Variants in POMZP3 observed in about 807,000 individuals in gnomAD.
The protein encoded by POMZP3 is POM121 and ZP3 fusion, also known as POM121 and ZP3 fusion protein.
POMZP3 carries 10 observed loss-of-function variants against 19.8 expected under a neutral mutation model. The ratio of observed to expected loss-of-function variants is 0.51; its 90% CI spans 0.31 to 0.86. POMZP3 has a LOEUF of 0.86. Ranked by LOEUF, POMZP3 falls within the 40% of genes least tolerant of loss-of-function variation. The pLI, the probability that POMZP3 is intolerant of heterozygous loss-of-function variation, is 0.04. For synonymous variants in POMZP3, 57 were observed against 85.8 expected (o/e 0.66, Z 1.85); for missense variants, 152 against 228.1 (o/e 0.67, Z 2.15).
At position 76,626,758 on chromosome 7, in the gene POMZP3, G is replaced by C. The variant is rs1354808120; in HGVS notation, c.-202C>G. The C allele has an allele frequency of 1.4e-6, 2 of 1,381,972 alleles. No homozygotes were observed. Among genetic ancestry groups the C allele is most frequent in the Non-Finnish European group, 1.9e-6 (2 of 1,080,056 alleles). The allele number at this position is 1,381,972 out of a possible 1,614,324, so 85.6% of individuals were successfully genotyped here. On this transcript the variant is annotated 5_prime_UTR_variant, in exon 1 of 7. Transcript: ENST00000310842. The stretch of plus-strand genomic sequence containing the variant: ...GGAGAAGAGGAGTGGGGAGAGAGGG[G>C]TAAAAGTGGTGAACGCGATGGGTCG...
chr7:76,611,792 T>C lies in POMZP3; in HGVS notation c.367A>G (p.Lys123Glu), dbSNP rs201132635. ...GGGTCCTGCTCAGCTAGGGTGACCT[T>C]CAGGTGGCAGGTGATGTATATCTGC... ...RNMIYITCHL[K>E]VTLAEQDPDE... Residue 123 changes from lysine to glutamate, a missense_variant, in exon 5 of 7, where the codon AAG becomes GAG. This residue lies in a region of POMZP3 where 65 missense variants were observed against 86.2 expected (regional missense o/e 0.75). Coordinates refer to ENST00000310842, the MANE Select transcript of POMZP3 (RefSeq NM_012230.5). 3 of 1,580,956 alleles carry C rather than the reference T, an allele frequency of 1.9e-6. No homozygotes were observed. The highest frequency in any genetic ancestry group is 2.6e-6 in the Non-Finnish European group (3 of 1,158,480).
chr7:76,610,307 A>T (rs563200088), intron 6 of POMZP3, 92 bp from the exon 7 acceptor site: 19 of 1,187,250 alleles, frequency 1.6e-5, no homozygotes, highest in Admixed American at 1.8e-5. Flanking sequence ...GGCTAAACTA[A>T]TATGTTGTCT....
intron 4 of POMZP3, among the ~76,000 whole-genome samples, chr7:76,614,858 C>CAAAAAA (rs59620004): frequency 6.2e-5 from 2 of 32,036 alleles, no homozygotes; most frequent in East Asian, 8.9e-4. Flanking sequence ...AGACTCTGTC[C>CAAAAAA]AAAAAAAAAA....
intron 3 of POMZP3, among the ~76,000 whole-genome samples, chr7:76,622,074 A>C (rs1456368967): frequency 1.4e-5 from 2 of 145,720 alleles, no homozygotes; most frequent in Admixed American, 1.4e-4. Flanking sequence ...CACCAGCTTC[A>C]TGACAGTTTA....
At chr7:76,626,609 T>C in intron 1 of POMZP3, 99 bp downstream of exon 1, 1 of 1,187,130 alleles carries the variant, frequency 8.4e-7, no homozygotes, top group East Asian at 2.9e-5. Flanking sequence ...CCACACACAA[T>C]TCCCTTCGGA....
chr7:76,618,550 G>A (rs1815375917), intron 3 of POMZP3: 1 of 517,912 alleles, frequency 1.9e-6, no homozygotes, highest in African/African-American at 1.9e-5. Context: ...GAATCTGGGA[G>A]GCAGAGGGTG....
intron 1 of POMZP3, 150 bp from the exon 2 acceptor site, chr7:76,626,365 C>G (rs903700162): frequency 1.3e-6 from 1 of 748,096 alleles, no homozygotes; most frequent in African/African-American, 1.8e-5. Context: ...TGGCAACTTT[C>G]CCCTATTCCA....
chr7:76,620,879 T>C (rs1025881885), intron 3 of POMZP3, among the ~76,000 whole-genome samples: 2 of 133,476 alleles, frequency 1.5e-5, no homozygotes, highest in Admixed American at 7.5e-5. Context: ...TTTTTTTTTT[T>C]TTTTTTTGAG....
intron 3 of POMZP3, among the ~76,000 whole-genome samples, chr7:76,625,304 C>T (rs1444063103): frequency 6.6e-6 from 1 of 151,228 alleles, no homozygotes; most frequent in East Asian, 1.9e-4. Flanking sequence ...ATCTCTGCTA[C>T]TCACAGAAAA....
intron 3 of POMZP3, among the ~76,000 whole-genome samples, chr7:76,620,640 G>C (rs994387332): frequency 1.1e-4 from 16 of 151,586 alleles, no homozygotes; most frequent in Non-Finnish European, 2.4e-4. Context: ...GCTAATTTTT[G>C]TATTTTTAGT....
intron 2 of POMZP3, 61 bp from the exon 3 acceptor site, chr7:76,625,744 T>A: frequency 6.4e-7 from 1 of 1,562,174 alleles, no homozygotes; most frequent in Non-Finnish European, 8.7e-7. Context: ...ATATCAGAAA[T>A]GGAAATCAGA....
intron 3 of POMZP3, among the ~76,000 whole-genome samples, chr7:76,624,485 A>T (rs1016239513): frequency 1.8e-4 from 27 of 150,884 alleles, no homozygotes; most frequent in African/African-American, 6.6e-4. Flanking sequence ...TCGCTCTGTC[A>T]CCCAGGCTAG....
chr7:76,625,548 G>T lies in POMZP3; in HGVS notation c.201C>A (p.Phe67Leu), dbSNP rs143685039. 3.1e-5 allele frequency: 50 copies of T among 1,613,288 alleles called. 1 individual carries two copies. Among genetic ancestry groups the T allele is most frequent in the Non-Finnish European group, 3.7e-5 (44 of 1,179,640 alleles). ...KRTVEEEDQI[F>L]LDGQENKRSC... ...TTCTTTTATTTTCCTGGCCATCAAG[G>T]AATATTTGGTCTTCTTCCTCCACTG... is the stretch of plus-strand genomic sequence containing the variant. The change falls in exon 3 of 7, where the codon TTC (phenylalanine) becomes TTA (leucine). Residue 67 changes from phenylalanine to leucine, a missense_variant. Around this residue, in one of 4 missense-constraint regions of POMZP3, gnomAD observed 17 missense variants for 38.1 expected, o/e 0.45. Coordinates refer to ENST00000310842, the MANE Select transcript of POMZP3 (RefSeq NM_012230.5).
chr7:76,618,329 C>G, intron 3 of POMZP3, 29 bp from the exon 4 acceptor site: 2 of 1,613,736 alleles, frequency 1.2e-6, no homozygotes, highest in Middle Eastern at 1.7e-4. Flanking sequence ...GGTGTTAAAG[C>G]CAGACAGGTG....
At chr7:76,622,445 C>G (rs1213562734) in intron 3 of POMZP3, among the ~76,000 whole-genome samples, 1 of 130,802 alleles carries the variant, frequency 7.6e-6, no homozygotes, top group Non-Finnish European at 1.6e-5. Flanking sequence ...GTGGCACGAT[C>G]TCAGCTCACT....
chr7:76,610,891 T>G (rs867787414), intron 6 of POMZP3, among the ~76,000 whole-genome samples: 1 of 133,858 alleles, frequency 7.5e-6, no homozygotes, highest in Middle Eastern at 3.6e-3. Flanking sequence ...TTTTTTTTTT[T>G]GAGAGACAGT....
At chr7:76,620,089 C>T (rs1295730313) in intron 3 of POMZP3, among the ~76,000 whole-genome samples, 2 of 72,972 alleles carry the variant, frequency 2.7e-5, no homozygotes, top group Non-Finnish European at 5.2e-5. Context: ...CCGAGGCGGG[C>T]GGATCACAAG....
At chr7:76,624,671 C>T (rs1334939253) in intron 3 of POMZP3, among the ~76,000 whole-genome samples, 1 of 148,602 alleles carries the variant, frequency 6.7e-6, no homozygotes, top group East Asian at 2.1e-4. Context: ...GTCTCGAACT[C>T]CTGACCTCAG....
intron 3 of POMZP3, among the ~76,000 whole-genome samples, chr7:76,619,517 T>TGGCAGGAGCAGC (rs1815431741): frequency 6.6e-6 from 1 of 150,756 alleles, no homozygotes; most frequent in Non-Finnish European, 1.5e-5. Flanking sequence ...TAAGGGGCAG[T>TGGCAGGAGCAGC]GGCAGGAGCA....
Sources: gnomAD v4.1 joint callset for allele counts (sites outside exome capture counted in the v4.1 genomes callset) on GRCh38, gnomAD v4.1.1 for gene constraint, gnomAD v4.1.1 regional missense constraint, MANE v1.5 for transcripts, NCBI Gene and HGNC (gene_info 2026-07-23, HGNC 2026-07-21) for gene names.